PLXDC2: variants seen among roughly 807,000 people sequenced by gnomAD.
PLXDC2 encodes plexin domain-containing protein 2.
Under a neutral mutation model 68.9 loss-of-function variants are expected in PLXDC2, and 40 were observed. That is an observed-to-expected ratio of 0.58 (90% CI 0.45 to 0.76). PLXDC2 has a LOEUF of 0.76. Ranked by LOEUF, PLXDC2 falls within the 30% of genes least tolerant of loss-of-function variation. PLXDC2 has a pLI of 0.00. For missense variants in PLXDC2, 644 were observed against 661.9 expected (o/e 0.97, Z 0.30); for synonymous variants, 243 against 234.2 (o/e 1.04, Z -0.34).
chr10:20,144,336 G>A (rs1834045467), intron 5 of PLXDC2, among the ~76,000 whole-genome samples: 1 of 152,244 alleles, frequency 6.6e-6, no homozygotes, highest in South Asian at 2.1e-4. Flanking sequence ...TAGACTTGAT[G>A]GTAGCTGTAG....
At chr10:19,931,265 T>A (rs966498141) in intron 1 of PLXDC2, among the ~76,000 whole-genome samples, 3 of 152,246 alleles carry the variant, frequency 2.0e-5, no homozygotes, top group Non-Finnish European at 4.4e-5. Flanking sequence ...AGTTTTCTCC[T>A]TTTCAGCTTC....
Position 20,167,676 on chromosome 10 carries a change from A to G in PLXDC2, c.883+3109A>G, listed in dbSNP as rs115570506. Among the ~76,000 whole-genome samples, 1,307 of 152,210 alleles carry G rather than the reference A, an allele frequency of 8.6e-3. 22 individuals are homozygous for G. The highest frequency in any genetic ancestry group is 0.03 in the African/African-American group (1,248 of 41,548). On this transcript the variant is annotated intron_variant, in intron 7 of 13. Coordinates refer to ENST00000377252, the MANE Select transcript of PLXDC2 (RefSeq NM_032812.9). ...CATAGAACCCTGTTCTCATAAGATC[A>G]GTTTTCTATTCTATTAATCATTTTA...
At chr10:20,245,663 G>A (rs570769169) in intron 13 of PLXDC2, among the ~76,000 whole-genome samples, 158 bp downstream of exon 13, 19 of 152,234 alleles carry the variant, frequency 1.2e-4, no homozygotes, top group African/African-American at 2.9e-4. Context: ...ATGCACTCAC[G>A]TACATATTGA....
chr10:20,039,330 G>A (rs1301062398), intron 2 of PLXDC2, among the ~76,000 whole-genome samples: 1 of 152,152 alleles, frequency 6.6e-6, no homozygotes. Context: ...TAGTGGAGAT[G>A]TTTATTTTAC....
At chr10:20,216,289 G>A (rs1183894501) in intron 10 of PLXDC2, among the ~76,000 whole-genome samples, 1 of 152,118 alleles carries the variant, frequency 6.6e-6, no homozygotes, top group Non-Finnish European at 1.5e-5. Context: ...GGATAACTGA[G>A]CTTATGATTT....
rs1045128099 is a variant in PLXDC2, at chr10:19,914,845, T to C, written c.113-86930T>C. On this transcript the variant is annotated intron_variant, in intron 1 of 13. Coordinates refer to ENST00000377252, the MANE Select transcript of PLXDC2 (RefSeq NM_032812.9). ...ATGTCTTCTTGATGGATTGACAGTT[T>C]TATCAAGACAATCCCTTTCTGTCTC... Among the ~76,000 whole-genome samples the C allele has an allele frequency of 5.9e-5, 9 of 152,152 alleles. No individual in the cohort carries two copies. In the South Asian group the frequency reaches 6.2e-4, roughly 11 times the overall value.
intron 12 of PLXDC2, among the ~76,000 whole-genome samples, chr10:20,220,950 C>A (rs1212720638): frequency 6.8e-6 from 1 of 147,354 alleles, no homozygotes; most frequent in Non-Finnish European, 1.5e-5. Flanking sequence ...TCAAGCAATT[C>A]TCCTATCTCA....
intron 1 of PLXDC2, among the ~76,000 whole-genome samples, chr10:19,921,286 T>C (rs1302050789): frequency 1.3e-5 from 2 of 152,136 alleles, no homozygotes; most frequent in Non-Finnish European, 1.5e-5. Context: ...GATTTTTATG[T>C]GTTAAATTTG....
chr10:20,246,083 T>A (rs1835591383), intron 13 of PLXDC2, among the ~76,000 whole-genome samples: 1 of 152,240 alleles, frequency 6.6e-6, no homozygotes, highest in South Asian at 2.1e-4. Flanking sequence ...GAGACGCATA[T>A]CCACACACTC....
rs981830674 is a variant in PLXDC2, at chr10:19,885,160, A to G, written c.112+67969A>G. Among the ~76,000 whole-genome samples the G allele has an allele frequency of 4.9e-4, 74 of 152,232 alleles. 1 individual carries two copies. Among genetic ancestry groups the G allele is most frequent in the African/African-American group, 1.7e-3 (69 of 41,550 alleles). ...GCTGCATAAATGTCTTCTTTTGAGA[A>G]GTGCCTGTTCATGTCCTTTGCCCAC... is the stretch of plus-strand genomic sequence containing the variant. On this transcript the variant is annotated intron_variant, in intron 1 of 13. Coordinates refer to ENST00000377252, the MANE Select transcript of PLXDC2 (RefSeq NM_032812.9).
At chr10:19,872,901 G>A (rs965803184) in intron 1 of PLXDC2, among the ~76,000 whole-genome samples, 1 of 152,154 alleles carries the variant, frequency 6.6e-6, no homozygotes, top group Admixed American at 6.5e-5. Flanking sequence ...GGTCACCAGT[G>A]TGCGGGAAAG....
Position 20,063,314 on chromosome 10 carries a change from TA to T in PLXDC2, c.472-4851del, listed in dbSNP as rs1401096007. ...AGGATTATTTCTTATAAAGCTGAAATAAAAAGACTTGGGGAGTCAGAAAAGT... is the reference window on the plus strand; with the variant it reads ...AGGATTATTTCTTATAAAGCTGAAATAAAAGACTTGGGGAGTCAGAAAAGT... On this transcript the variant is annotated intron_variant, in intron 3 of 13. Transcript: ENST00000377252. 3.3e-5 allele frequency among the ~76,000 whole-genome samples: 5 copies of T among 152,118 alleles called. No homozygotes were observed. The East Asian group carries it at 5.8e-4, about 18-fold the overall frequency.
rs1037844805 is a variant in PLXDC2, at chr10:20,282,550, C to T, written c.*2731C>T. On this transcript the variant is annotated 3_prime_UTR_variant, in exon 14 of 14. Transcript: ENST00000377252. ...CTTAATTATTTGTAAAAATAATAAT[C>T]AGTGACTAGGTAAAGATACTGAAAC... The T allele has an allele frequency of 6.6e-6, 1 of 152,078 alleles. No homozygotes were observed. Among genetic ancestry groups the T allele is most frequent in the African/African-American group, 2.4e-5 (1 of 41,414 alleles). 9.4% of individuals were successfully genotyped at this position (152,078 alleles called of 1,614,324 possible).
chr10:20,114,492 G>A (rs1435275175), intron 4 of PLXDC2, among the ~76,000 whole-genome samples: 1 of 152,204 alleles, frequency 6.6e-6, no homozygotes, highest in Admixed American at 6.5e-5. Flanking sequence ...GAGGTGGTGA[G>A]AGAGGGGAAT....
In PLXDC2 at chr10:19,856,998, G is replaced by C. The variant is rs575295491; in HGVS notation, c.112+39807G>C. On this transcript the variant is annotated intron_variant, in intron 1 of 13. Transcript: ENST00000377252. ...GCTGTGGCTCTTTTATTTTTAAAGT[G>C]ACAAATAATAATAGTCATAATTTAT... is the stretch of plus-strand genomic sequence containing the variant. Among the ~76,000 whole-genome samples, 77 of 152,208 alleles carry C rather than the reference G, an allele frequency of 5.1e-4. 1 individual carries two copies. The highest frequency in any genetic ancestry group is 1.7e-3 in the African/African-American group (72 of 41,548).
intron 1 of PLXDC2, among the ~76,000 whole-genome samples, chr10:19,916,126 G>GTTTTTTTT (rs200823056): frequency 8.0e-6 from 1 of 125,726 alleles, no homozygotes; most frequent in Non-Finnish European, 1.6e-5. Flanking sequence ...AGGGAGTTGT[G>GTTTTTTTT]TTTTGTTTTG....
chr10:20,007,917 C>A (rs1304926076), intron 2 of PLXDC2, among the ~76,000 whole-genome samples: 5 of 152,182 alleles, frequency 3.3e-5, no homozygotes, highest in Non-Finnish European at 5.9e-5. Context: ...TTGTATCCAG[C>A]AACTGTTGTA....
intron 1 of PLXDC2, among the ~76,000 whole-genome samples, chr10:19,824,860 A>G (rs1409421513): frequency 6.6e-6 from 1 of 152,196 alleles, no homozygotes; most frequent in African/African-American, 2.4e-5. Flanking sequence ...CTGTGGAATG[A>G]TGGTATAGAT....
chr10:19,914,070 G>A (rs1833323197), intron 1 of PLXDC2, among the ~76,000 whole-genome samples: 1 of 150,604 alleles, frequency 6.6e-6, no homozygotes, highest in South Asian at 2.1e-4. Context: ...AGGAGGGAGG[G>A]AGAGAAGGGA....
Sources: allele counts gnomAD v4.1 joint callset (sites outside exome capture counted in the v4.1 genomes callset), GRCh38; gene constraint gnomAD v4.1.1; transcripts MANE v1.5; gene names NCBI Gene and HGNC (gene_info 2026-07-23, HGNC 2026-07-21).